Variants in CNTN5 observed in about 807,000 individuals in gnomAD.
CNTN5 encodes the protein contactin 5, also known as contactin-5.
A neutral mutation model predicts 129.1 loss-of-function variants in CNTN5; 77 were observed. The ratio of observed to expected loss-of-function variants is 0.60; its 90% CI spans 0.50 to 0.72. The LOEUF (loss-of-function observed/expected upper bound fraction) is 0.72. Among genes scored for constraint, CNTN5 ranks in the 30% least tolerant of loss-of-function variants. CNTN5 has a pLI of 0.00. For synonymous variants in CNTN5, 509 were observed against 465.6 expected (o/e 1.09, Z -1.20); for missense variants, 1,478 against 1,328.8 (o/e 1.11, Z -1.75).
At chr11:99,890,775 A>T (rs1371832743) in intron 6 of CNTN5, among the ~76,000 whole-genome samples, 1 of 152,182 alleles carries the variant, frequency 6.6e-6, no homozygotes, top group Admixed American at 6.5e-5. Flanking sequence ...ATAATTTTAT[A>T]GAGGGGAAGC....
chr11:99,981,086 A>ATATATATATATATATATG lies in CNTN5; in HGVS notation c.878-20931_878-20930insGTATATATATATATATAT, dbSNP rs1443948528. On this transcript the variant is annotated intron_variant, in intron 8 of 24. Transcript: ENST00000524871. ...GAGAAAGAGCCAATAGGATATATAT[A>ATATATATATATATATATG]TATATATATATATATATACACACAC... 8.3e-5 allele frequency among the ~76,000 whole-genome samples: 6 copies of ATATATATATATATATATG among 72,354 alleles called. 1 individual carries two copies. The East Asian group carries it at 3.0e-3, about 37-fold the overall frequency. 47.5% of individuals were successfully genotyped at this position (72,354 alleles called of 152,430 possible).
chr11:99,897,703 C>T (rs2135936618), intron 6 of CNTN5, among the ~76,000 whole-genome samples: 1 of 152,146 alleles, frequency 6.6e-6, no homozygotes, highest in South Asian at 2.1e-4. Context: ...CAGATATATA[C>T]AGAACTCACA....
intron 3 of CNTN5, among the ~76,000 whole-genome samples, chr11:99,572,325 A>G (rs1949200936): frequency 6.6e-6 from 1 of 152,242 alleles, no homozygotes; most frequent in Admixed American, 6.5e-5. Flanking sequence ...ATGTTTTAAG[A>G]AAATTTACAA....
chr11:100,309,649 T>TAATATATATATTTGGC, intron 21 of CNTN5: 1 of 984,016 alleles, frequency 1.0e-6, no homozygotes, highest in Non-Finnish European at 1.2e-6. Flanking sequence ...CAGCAAATGA[T>TAATATATATATTTGGC]AATATATATA....
At chr11:99,252,127 T>C (rs1862138695) in intron 1 of CNTN5, among the ~76,000 whole-genome samples, 1 of 152,046 alleles carries the variant, frequency 6.6e-6, no homozygotes, top group Non-Finnish European at 1.5e-5. Flanking sequence ...TTCTTACTTT[T>C]GTTACCTTGC....
intron 1 of CNTN5, among the ~76,000 whole-genome samples, chr11:99,026,427 T>G (rs564333345): frequency 6.6e-6 from 1 of 151,726 alleles, no homozygotes; most frequent in South Asian, 2.1e-4. Flanking sequence ...ATTTCAAAAG[T>G]TATGGCATTG....
intron 1 of CNTN5, among the ~76,000 whole-genome samples, chr11:99,200,692 C>A (rs142620071): frequency 5.1e-4 from 77 of 152,304 alleles, no homozygotes; most frequent in African/African-American, 1.8e-3. Flanking sequence ...AAGTGGTTAG[C>A]ACCCTCAAGG....
rs551212340 is a variant in CNTN5, at chr11:100,018,858, T to C, written c.980+16722T>C. Among the ~76,000 whole-genome samples, 13 of 152,088 alleles carry C rather than the reference T, an allele frequency of 8.5e-5. 1 individual carries two copies. The South Asian group carries it at 2.7e-3, about 31-fold the overall frequency. On this transcript the variant is annotated intron_variant, in intron 9 of 24. Transcript: ENST00000524871. ...ACTTGGTTAATCTGTAATTATGCCATTTAATATGCATGTAGTGGTGTCACA... is the reference window on the plus strand; with the variant it reads ...ACTTGGTTAATCTGTAATTATGCCACTTAATATGCATGTAGTGGTGTCACA...
At chr11:100,120,592 T>TG (rs1334379961) in intron 13 of CNTN5, among the ~76,000 whole-genome samples, 2 of 151,936 alleles carry the variant, frequency 1.3e-5, no homozygotes, top group African/African-American at 2.4e-5. Flanking sequence ...GCCATAGATT[T>TG]GGGGGAAGAA....
At chr11:99,790,801 C>T (rs1176855010) in intron 3 of CNTN5, among the ~76,000 whole-genome samples, 2 of 151,996 alleles carry the variant, frequency 1.3e-5, no homozygotes, top group Non-Finnish European at 2.9e-5. Context: ...ACATATAAGC[C>T]ATCCCTTTTT....
chr11:99,412,239 C>A (rs1215309029), intron 2 of CNTN5, among the ~76,000 whole-genome samples: 1 of 152,048 alleles, frequency 6.6e-6, no homozygotes, highest in Non-Finnish European at 1.5e-5. Flanking sequence ...AGATACTGTA[C>A]TGTACATTGG....
chr11:99,827,486 T>C (rs531389971), intron 4 of CNTN5, among the ~76,000 whole-genome samples: 5 of 152,328 alleles, frequency 3.3e-5, no homozygotes, highest in Admixed American at 2.0e-4. Context: ...GAATCCATTA[T>C]AGAATTCCAA....
At chr11:99,580,415 T>C (rs931262953) in intron 3 of CNTN5, among the ~76,000 whole-genome samples, 3 of 152,282 alleles carry the variant, frequency 2.0e-5, no homozygotes, top group East Asian at 1.9e-4. Context: ...GTACCAGCTC[T>C]TCCTTGTACC....
rs973266656 is a variant in CNTN5 at position 99,782,710 on chromosome 11, A to G, written c.56-36834A>G. On this transcript the variant is annotated intron_variant, in intron 3 of 24. Coordinates refer to ENST00000524871, the MANE Select transcript of CNTN5 (RefSeq NM_014361.4). Reference sequence around the variant, plus strand: ...CTATCTGATCTTTGACAAACCTGAGAAAAACAAGCAATGGGGAAAGGATTC... The same window carrying G: ...CTATCTGATCTTTGACAAACCTGAGGAAAACAAGCAATGGGGAAAGGATTC... Among the ~76,000 whole-genome samples the G allele has an allele frequency of 3.1e-4, 47 of 152,196 alleles. 1 individual carries two copies. Among genetic ancestry groups the G allele is most frequent in the African/African-American group, 1.1e-3 (47 of 41,552 alleles).
chr11:100,078,216 AT>A (rs775005196), intron 13 of CNTN5, among the ~76,000 whole-genome samples: 1 of 152,124 alleles, frequency 6.6e-6, no homozygotes, highest in African/African-American at 2.4e-5. Context: ...AAAACACAGT[AT>A]TTTTTATGTG....
intron 2 of CNTN5, among the ~76,000 whole-genome samples, chr11:99,437,640 C>T (rs939537547): frequency 2.0e-5 from 3 of 152,042 alleles, no homozygotes; most frequent in South Asian, 2.1e-4. Context: ...CCAGCCTGAC[C>T]AATATGATGA....
In CNTN5 at chr11:99,548,757, T is replaced by A. The variant is rs999524409; in HGVS notation, c.-70-7388T>A. 2.0e-5 allele frequency among the ~76,000 whole-genome samples: 3 copies of A among 152,296 alleles called. 1 individual carries two copies. Among genetic ancestry groups the A allele is most frequent in the Middle Eastern group, 6.8e-3 (2 of 294 alleles). Reference sequence around the variant, plus strand: ...GAGTCTGGTTTTCCTACTTTTATAGTTACTTTCTTTTTCTCTCTGGCTGCT... The same window carrying A: ...GAGTCTGGTTTTCCTACTTTTATAGATACTTTCTTTTTCTCTCTGGCTGCT... On this transcript the variant is annotated intron_variant, in intron 2 of 24. Coordinates refer to ENST00000524871, the MANE Select transcript of CNTN5 (RefSeq NM_014361.4).
intron 2 of CNTN5, among the ~76,000 whole-genome samples, chr11:99,380,543 G>T (rs752670578): frequency 6.6e-6 from 1 of 152,074 alleles, no homozygotes; most frequent in Admixed American, 6.5e-5. Context: ...GCTGAGGTAG[G>T]TGGATCATCT....
intron 1 of CNTN5, among the ~76,000 whole-genome samples, chr11:99,295,597 C>G (rs945895096): frequency 2.0e-4 from 30 of 152,174 alleles, no homozygotes; most frequent in Non-Finnish European, 2.6e-4. Context: ...GACTGATTGG[C>G]CGGGCGCGGT....
Sources: gnomAD v4.1 joint callset for allele counts (sites outside exome capture counted in the v4.1 genomes callset) on GRCh38, gnomAD v4.1.1 for gene constraint, MANE v1.5 for transcripts, NCBI Gene and HGNC (gene_info 2026-07-23, HGNC 2026-07-21) for gene names.